STARD9: variants seen among roughly 807,000 people sequenced by gnomAD.
STARD9 encodes the protein StAR related lipid transfer domain containing 9, also known as stAR-related lipid transfer protein 9.
STARD9 carries 346 observed loss-of-function variants against 399.8 expected under a neutral mutation model. The observed-to-expected ratio is 0.87, with a 90% CI of 0.79 to 0.95. The LOEUF (loss-of-function observed/expected upper bound fraction) is 0.95, where lower values mean the gene tolerates loss of function less well. Among genes scored for constraint, STARD9 ranks in the 40% least tolerant of loss-of-function variants. STARD9 has a pLI of 0.00. For synonymous variants in STARD9, 2,203 were observed against 2,143.5 expected (o/e 1.03, Z -0.77); for missense variants, 5,832 against 5,667.5 (o/e 1.03, Z -0.93).
At chr15:42,670,963 G>A (rs2060191466) in intron 16 of STARD9, 2 of 152,108 alleles carry the variant, frequency 1.3e-5, no homozygotes, top group Admixed American at 6.6e-5. Context: ...CACTATTTGA[G>A]TAGAACTGAT....
At chr15:42,630,832 A>G (rs554633731) in intron 3 of STARD9, among the ~76,000 whole-genome samples, 27 of 151,722 alleles carry the variant, frequency 1.8e-4, no homozygotes, top group African/African-American at 6.0e-4. Context: ...CATCTGTCTA[A>G]AGGCTTATCG....
Position 42,704,690 on chromosome 15 carries a change from A to T in STARD9, c.13284+8810A>T, listed in dbSNP as rs563226369. On this transcript the variant is annotated intron_variant, in intron 26 of 32. Coordinates refer to ENST00000290607, the MANE Select transcript of STARD9 (RefSeq NM_020759.3). Reference sequence around the variant, plus strand: ...GGAGAGTTCCCCACCTCGTGTGGTAATGCTGGCCAGGGCCCTGAACCAGGT... The same window carrying T: ...GGAGAGTTCCCCACCTCGTGTGGTATTGCTGGCCAGGGCCCTGAACCAGGT... Among the ~76,000 whole-genome samples, 181 of 152,328 alleles carry T rather than the reference A, an allele frequency of 1.2e-3. 5 individuals carry two copies. In the South Asian group the frequency reaches 0.036, roughly 30 times the overall value.
rs567752634 is a variant in STARD9 at position 42,614,812 on chromosome 15, A to G, written c.235-20044A>G. Among the ~76,000 whole-genome samples, 3 of 151,934 alleles carry G rather than the reference A, an allele frequency of 2.0e-5. No individual in the cohort carries two copies. In the East Asian group the frequency reaches 5.9e-4, roughly 30 times the overall value. On this transcript the variant is annotated intron_variant, in intron 3 of 32. Transcript: ENST00000290607. ...AAACCCCGTCTCTACTAAAAATACA[A>G]AAATTAGCCAGGCATGGTGGTGGGC...
rs1464625746 is a variant in STARD9, at chr15:42,691,467, C to T, written c.9889C>T (p.Gln3297Ter). Residue 3297 changes from glutamine (Q) to a stop codon, truncating the protein, a stop_gained, in exon 23 of 33, where the codon CAG becomes TAG. Transcript: ENST00000290607. LOFTEE classifies it high-confidence loss of function. The stretch of plus-strand genomic sequence containing the variant: ...TGGCCACCTCTACACTGGCAGAGAG[C>T]AGCCAGCACCCAACCACAGGGGCTC... ...RSGHLYTGRE[Q>*]PAPNHRGSLP... The T allele has an allele frequency of 6.5e-7, 1 of 1,537,230 alleles. No homozygotes were observed. Among genetic ancestry groups the T allele is most frequent in the East Asian group, 2.4e-5 (1 of 40,920 alleles).
At chr15:42,714,235 T>C (rs984058793) in intron 26 of STARD9, among the ~76,000 whole-genome samples, 2 of 151,834 alleles carry the variant, frequency 1.3e-5, no homozygotes, top group African/African-American at 4.8e-5. Context: ...GCTAATTTTT[T>C]TGTATTCTTT....
chr15:42,684,265 A>G lies in STARD9; in HGVS notation c.2687A>G (p.His896Arg). The part of the protein sequence containing the change: ...RTGCLRKNGL[H>R]SSGHGQPCTA... ...GGGTGCCTCCGCAAGAACGGCCTGC[A>G]TTCCTCAGGTCATGGGCAGCCCTGC... Residue 896 changes from histidine (H) to arginine (R), a missense_variant, in exon 23 of 33, where the codon CAT becomes CGT. Physicochemically the swap from His to Arg is conservative, Grantham distance 29. Coordinates refer to ENST00000290607, the MANE Select transcript of STARD9 (RefSeq NM_020759.3). 6.5e-7 allele frequency: 1 copy of G among 1,537,238 alleles called. No individual in the cohort carries two copies. The highest frequency in any genetic ancestry group is 8.7e-7 in the Non-Finnish European group (1 of 1,146,902).
chr15:42,712,104 A>ATATATAATATATATAATATATATAAT (rs36132946), intron 26 of STARD9, among the ~76,000 whole-genome samples: 1 of 280 alleles, frequency 3.6e-3, no homozygotes. Flanking sequence ...TATAATATAT[A>ATATATAATATATATAATATATATAAT]ATATATAATA....
chr15:42,691,102 C>T lies in STARD9; in HGVS notation c.9524C>T (p.Pro3175Leu). The T allele has an allele frequency of 6.5e-7, 1 of 1,537,152 alleles. No individual in the cohort carries two copies. Among genetic ancestry groups the T allele is most frequent in the Non-Finnish European group, 8.7e-7 (1 of 1,146,882 alleles). Residue 3175 changes from proline (P) to leucine (L), a missense_variant, in exon 23 of 33, where the codon CCA becomes CTA. This residue lies in a region of STARD9 where 5,828 missense variants were observed against 5,651.1 expected (regional missense o/e 1.03). Coordinates refer to ENST00000290607, the MANE Select transcript of STARD9 (RefSeq NM_020759.3). ...ACCACTAGATGTTTTTTGGAAAAGC[C>T]ACAATTTTCCACTGAGTTGAGGGAT... is the stretch of plus-strand genomic sequence containing the variant. ...ENTTRCFLEK[P>L]QFSTELRDHN...
chr15:42,635,690 A>G (rs1318265646), intron 4 of STARD9, among the ~76,000 whole-genome samples: 1 of 152,162 alleles, frequency 6.6e-6, no homozygotes, highest in African/African-American at 2.4e-5. Context: ...TTGACAAAGC[A>G]GTTCTTGTCA....
Position 42,692,985 on chromosome 15 carries a change from G to A in STARD9, c.11407G>A (p.Glu3803Lys), listed in dbSNP as rs2060750213. 6.5e-7 allele frequency: 1 copy of A among 1,537,106 alleles called. No individual in the cohort carries two copies. The highest frequency in any genetic ancestry group is 2.0e-5 in the Admixed American group (1 of 50,972). ...KMAQLLYLQE[E>K]STPYKPQSPS... is the part of the protein sequence containing the mutation. ...GGCTCAGCTCCTCTATCTTCAGGAAGAAAGCACTCCCTACAAGCCCCAGAG... is the reference window on the plus strand; with the variant it reads ...GGCTCAGCTCCTCTATCTTCAGGAAAAAAGCACTCCCTACAAGCCCCAGAG... The change falls in exon 23 of 33, where the codon GAA becomes AAA. Residue 3803 changes from glutamate (E) to lysine (K), a missense_variant. Physicochemically the swap from Glu to Lys is moderately conservative, Grantham distance 56. Transcript: ENST00000290607.
intron 16 of STARD9, chr15:42,671,121 T>A (rs1254994473): frequency 1.4e-5 from 2 of 144,552 alleles, no homozygotes; most frequent in Non-Finnish European, 3.0e-5. Flanking sequence ...AAGATAGGAT[T>A]GCTGATTTTT....
At chr15:42,652,959 G>A (rs1377209559) in intron 9 of STARD9, among the ~76,000 whole-genome samples, 1 of 152,096 alleles carries the variant, frequency 6.6e-6, no homozygotes, top group East Asian at 1.9e-4. Context: ...ATTACAGATG[G>A]GAGCCATCGT....
chr15:42,682,334 A>G lies in STARD9; in HGVS notation c.2296A>G (p.Lys766Glu), dbSNP rs1367888868. The change falls in exon 22 of 33, where the codon AAA becomes GAA. Residue 766 changes from lysine to glutamate, a missense_variant. Lys to Glu is a moderately conservative substitution (Grantham distance 56). Transcript: ENST00000290607. ...GGCAGCAGAGCGGAATGTCCGGCGG[A>G]AAAAGGTCTCATTCCAGCTAGAGAG... ...LRAAERNVRR[K>E]KVSFQLERII... 1.3e-6 allele frequency: 2 copies of G among 1,537,218 alleles called. No individual in the cohort carries two copies. The highest frequency in any genetic ancestry group is 2.4e-5 in the South Asian group (2 of 84,058).
intron 16 of STARD9, among the ~76,000 whole-genome samples, chr15:42,673,526 T>C (rs1048916246): frequency 2.6e-5 from 4 of 152,176 alleles, no homozygotes; most frequent in Admixed American, 1.3e-4. Context: ...TTCTATTTGG[T>C]ATGTGGGTTT....
At chr15:42,580,760 A>C (rs1239447064) in intron 1 of STARD9, among the ~76,000 whole-genome samples, 1 of 152,110 alleles carries the variant, frequency 6.6e-6, no homozygotes, top group Non-Finnish European at 1.5e-5. Context: ...TGCAGTGAGC[A>C]GAGATCATGC....
Position 42,689,149 on chromosome 15 carries a change from C to A in STARD9, c.7571C>A (p.Ala2524Glu). 1.3e-6 allele frequency: 2 copies of A among 1,537,284 alleles called. No individual in the cohort carries two copies. Among genetic ancestry groups the A allele is most frequent in the Non-Finnish European group, 8.7e-7 (1 of 1,146,922 alleles). The change falls in exon 23 of 33, where the codon GCA (alanine) becomes GAA (glutamate). Residue 2524 changes from alanine (A) to glutamate (E), a missense_variant. By Grantham distance (107) the Ala-to-Glu change is moderately radical. This residue lies in a region of STARD9 where 5,828 missense variants were observed against 5,651.1 expected (regional missense o/e 1.03). Transcript: ENST00000290607. ...GGACTGACCAGCGGTGTTTCCTTAG[C>A]ACCTGTTTCCCTGCCGAGGGTGCCC... The part of the protein sequence containing the change: ...DVGLTSGVSL[A>E]PVSLPRVPSP...
chr15:42,616,315 G>C (rs540120759), intron 3 of STARD9, among the ~76,000 whole-genome samples: 8 of 152,342 alleles, frequency 5.3e-5, no homozygotes, highest in Admixed American at 1.3e-4. Flanking sequence ...TTGGCCAAAG[G>C]CCATTTCAAA....
chr15:42,648,750 C>T (rs533516193), intron 7 of STARD9, among the ~76,000 whole-genome samples: 1 of 152,148 alleles, frequency 6.6e-6, no homozygotes, highest in East Asian at 1.9e-4. Context: ...CATTACCTTT[C>T]CCTTTTTTCC....
Position 42,684,316 on chromosome 15 carries a change from A to T in STARD9, c.2738A>T (p.Lys913Met), listed in dbSNP as rs1444761789. Residue 913 changes from lysine (K) to methionine (M), a missense_variant, in exon 23 of 33, where the codon AAG (lysine) becomes ATG (methionine). Transcript: ENST00000290607. ...ACAGCCAGAGCAGCCTTGGCCAGGA[A>T]GGGAGCCTCAGCTCCAGACGCTTGC... ...PCTARAALARKGASAPDACLT... is the reference protein window; with the variant it reads ...PCTARAALARMGASAPDACLT... 3.3e-6 allele frequency: 5 copies of T among 1,536,760 alleles called. No homozygotes were observed. In the South Asian group the frequency reaches 6.0e-5, roughly 18 times the overall value.
Sources: allele counts gnomAD v4.1 joint callset (sites outside exome capture counted in the v4.1 genomes callset), GRCh38; gene constraint gnomAD v4.1.1; regional missense constraint gnomAD v4.1.1; transcripts MANE v1.5; gene names NCBI Gene and HGNC (gene_info 2026-07-23, HGNC 2026-07-21).